The following CATSPERE variants were observed in gnomAD, a reference collection of about 807,000 sequenced individuals.
The protein encoded by CATSPERE is cation channel sperm-associated auxiliary subunit epsilon.
In CATSPERE, 93 loss-of-function variants were observed where a neutral mutation model predicts 114.1. That is an observed-to-expected ratio of 0.81 (90% confidence interval 0.69 to 0.97). The LOEUF is 0.97. Ranked by LOEUF, CATSPERE falls within the 50% of genes least tolerant of loss-of-function variation. The pLI is 0.00. For missense variants in CATSPERE, 1,058 were observed against 1,131.6 expected (o/e 0.93, Z 0.93); for synonymous variants, 341 against 384.1 (o/e 0.89, Z 1.31).
At chr1:244,601,118 TGTA>T (rs1313847052) in intron 17 of CATSPERE, among the ~76,000 whole-genome samples, 5 of 152,066 alleles carry the variant, frequency 3.3e-5, no homozygotes, top group African/African-American at 4.8e-5. Context: ...GACATGAAAA[TGTA>T]GTCATTAAAT....
intron 8 of CATSPERE, among the ~76,000 whole-genome samples, chr1:244,535,375 C>T (rs919046820): frequency 1.1e-4 from 16 of 152,216 alleles, no homozygotes; most frequent in African/African-American, 3.6e-4. Context: ...CATGTGGGTC[C>T]AGAGGTACCA....
chr1:244,554,303 G>T (rs566626226), intron 9 of CATSPERE, among the ~76,000 whole-genome samples: 4 of 152,168 alleles, frequency 2.6e-5, no homozygotes, highest in Non-Finnish European at 5.9e-5. Context: ...CACCAACAGG[G>T]TATATGAGCT....
At chr1:244,581,417 T>G (rs1304869731) in intron 11 of CATSPERE, among the ~76,000 whole-genome samples, 1 of 152,216 alleles carries the variant, frequency 6.6e-6, no homozygotes, top group Non-Finnish European at 1.5e-5. Flanking sequence ...TATAAACATT[T>G]CTGTCAGGTA....
At chr1:244,554,846 G>A (rs562961012) in intron 9 of CATSPERE, among the ~76,000 whole-genome samples, 5 of 152,096 alleles carry the variant, frequency 3.3e-5, no homozygotes, top group Non-Finnish European at 7.4e-5. Context: ...AAAACTTACA[G>A]GCCAATATTC....
chr1:244,637,675 C>A (rs1309771377), intron 21 of CATSPERE, among the ~76,000 whole-genome samples: 2 of 152,228 alleles, frequency 1.3e-5, no homozygotes, highest in Admixed American at 6.5e-5. Context: ...AGTACACCCT[C>A]ACCCCTCTGG....
At chr1:244,623,058 T>TTTATTTATTTATTTATTTA (rs1672601472) in intron 20 of CATSPERE, among the ~76,000 whole-genome samples, 1 of 145,508 alleles carries the variant, frequency 6.9e-6, no homozygotes, top group Non-Finnish European at 1.5e-5. Context: ...TTTGTCTTAT[T>TTTATTTATTTATTTATTTA]TTTATTTATT....
At chr1:244,614,433 A>G (rs1671120532) in intron 19 of CATSPERE, among the ~76,000 whole-genome samples, 1 of 152,212 alleles carries the variant, frequency 6.6e-6, no homozygotes, top group African/African-American at 2.4e-5. Context: ...TTTTCTCTGA[A>G]AGTTCCTTGA....
At chr1:244,518,755 A>G in intron 8 of CATSPERE, 57 bp downstream of exon 8, 1 of 911,444 alleles carries the variant, frequency 1.1e-6, no homozygotes, top group Non-Finnish European at 1.7e-6. Flanking sequence ...ACTAGATTTT[A>G]AAATCCTAGT....
At chr1:244,559,440 T>A (rs1662203079) in intron 9 of CATSPERE, among the ~76,000 whole-genome samples, 2 of 152,220 alleles carry the variant, frequency 1.3e-5, no homozygotes, top group African/African-American at 4.8e-5. Flanking sequence ...TTCAAAAGAT[T>A]CCTTTTGATT....
At chr1:244,487,287 A>G (rs530272426) in intron 5 of CATSPERE, among the ~76,000 whole-genome samples, 2 of 152,132 alleles carry the variant, frequency 1.3e-5, no homozygotes, top group East Asian at 3.9e-4. Flanking sequence ...AGACCCTTCT[A>G]GTCACCTGGT....
chr1:244,462,470 A>G (rs1317357981), intron 1 of CATSPERE, among the ~76,000 whole-genome samples: 1 of 152,152 alleles, frequency 6.6e-6, no homozygotes, highest in African/African-American at 2.4e-5. Context: ...GCAGGTGAGG[A>G]GAAAAGGCCT....
At chr1:244,461,102 C>A (rs943380989), upstream of CATSPERE, among the ~76,000 whole-genome samples, 3 of 151,580 alleles carry the variant, frequency 2.0e-5, no homozygotes, top group Non-Finnish European at 2.9e-5. Flanking sequence ...CTTCCTCCTT[C>A]CTTCCTTCTT....
intron 8 of CATSPERE, among the ~76,000 whole-genome samples, chr1:244,538,434 A>C (rs1450621083): frequency 6.6e-6 from 1 of 152,162 alleles, no homozygotes; most frequent in Non-Finnish European, 1.5e-5. Flanking sequence ...GTGCTTATAG[A>C]AGATAATTCT....
chr1:244,592,267 C>T lies in CATSPERE; in HGVS notation c.2189+536C>T, dbSNP rs750387327. On this transcript the variant is annotated intron_variant, in intron 15 of 21. Coordinates refer to ENST00000366534, the MANE Select transcript of CATSPERE (RefSeq NM_001130957.2). Reference sequence around the variant, plus strand: ...CAGCTAGTTAGAAGTAATATATTTACCCGGAAAGTCCTGACATCAAATATT... The same window carrying T: ...CAGCTAGTTAGAAGTAATATATTTATCCGGAAAGTCCTGACATCAAATATT... Among the ~76,000 whole-genome samples, 5 of 152,078 alleles carry T rather than the reference C, an allele frequency of 3.3e-5. No homozygotes were observed. In the South Asian group the frequency reaches 1.0e-3, roughly 31 times the overall value.
intron 2 of CATSPERE, among the ~76,000 whole-genome samples, chr1:244,465,669 A>C (rs1160027178): frequency 6.6e-6 from 1 of 152,178 alleles, no homozygotes; most frequent in African/African-American, 2.4e-5. Flanking sequence ...GGTCCTGTGA[A>C]CATCTAGTTT....
At chr1:244,481,655 AATCCCCGATGTGATGGT>A (rs1372441228) in intron 5 of CATSPERE, among the ~76,000 whole-genome samples, 27 of 152,172 alleles carry the variant, frequency 1.8e-4, no homozygotes, top group African/African-American at 6.3e-4. Context: ...GCTGAAACCT[AATCCCCGATGTGATGGT>A]ATCTGAAGGT....
At chr1:244,475,560 C>A (rs759476504) in intron 2 of CATSPERE, among the ~76,000 whole-genome samples, 1 of 112,524 alleles carries the variant, frequency 8.9e-6, no homozygotes, top group African/African-American at 3.5e-5. Context: ...TTTTTTGAGA[C>A]GGAGTCTCAC....
At chr1:244,546,212 C>G (rs975545930) in intron 8 of CATSPERE, among the ~76,000 whole-genome samples, 1 of 152,184 alleles carries the variant, frequency 6.6e-6, no homozygotes, top group African/African-American at 2.4e-5. Flanking sequence ...GAGTTTCCAG[C>G]TTGGTGCTGT....
intron 7 of CATSPERE, among the ~76,000 whole-genome samples, chr1:244,516,921 C>T (rs1222254211): frequency 1.3e-5 from 2 of 152,052 alleles, no homozygotes; most frequent in African/African-American, 4.8e-5. Context: ...AAGACTGTGT[C>T]TCTGATGATG....
Sources: allele counts gnomAD v4.1 joint callset (sites outside exome capture counted in the v4.1 genomes callset), GRCh38; gene constraint gnomAD v4.1.1; transcripts MANE v1.5; gene names NCBI Gene and HGNC (gene_info 2026-07-23, HGNC 2026-07-21).